Variants in WWOX observed in about 807,000 individuals in gnomAD.
WWOX encodes WW domain containing oxidoreductase.
WWOX carries 69 observed loss-of-function variants against 46.2 expected under a neutral mutation model. That is an observed-to-expected ratio of 1.49 (90% CI 1.23 to 1.82). The LOEUF (loss-of-function observed/expected upper bound fraction) is 1.82, where lower values mean the gene tolerates loss of function less well. WWOX is among the 40% of genes most tolerant of loss of function. WWOX has a pLI of 0.00. For missense variants in WWOX, 919 were observed against 542.6 expected (o/e 1.69, Z -6.89); for synonymous variants, 359 against 202.6 (o/e 1.77, Z -6.56).
At chr16:78,649,280 T>G (rs534317269) in intron 8 of WWOX, among the ~76,000 whole-genome samples, 1 of 151,100 alleles carries the variant, frequency 6.6e-6, no homozygotes, top group East Asian at 2.0e-4. Flanking sequence ...CCACCGTGAC[T>G]GACCTGTTTT....
At chr16:79,073,387 C>G (rs2048588803) in intron 8 of WWOX, among the ~76,000 whole-genome samples, 1 of 151,972 alleles carries the variant, frequency 6.6e-6, no homozygotes, top group African/African-American at 2.4e-5. Flanking sequence ...ACCATGTTGG[C>G]CAGGCTGGTC....
At chr16:79,122,701 T>A (rs1054260610) in intron 8 of WWOX, among the ~76,000 whole-genome samples, 5 of 152,168 alleles carry the variant, frequency 3.3e-5, no homozygotes, top group African/African-American at 1.2e-4. Context: ...AACCGTAAGC[T>A]AGGATAACTG....
At chr16:79,206,578 A>G (rs1160013761) in intron 8 of WWOX, 1 of 152,358 alleles carries the variant, frequency 6.6e-6, no homozygotes, top group East Asian at 1.9e-4. Context: ...CTAGTCATTG[A>G]TGTCACTTGA....
At chr16:79,180,727 C>T (rs139566960) in intron 8 of WWOX, among the ~76,000 whole-genome samples, 4 of 149,660 alleles carry the variant, frequency 2.7e-5, no homozygotes, top group East Asian at 3.9e-4. Flanking sequence ...GTCTCCCTGT[C>T]TATCTGTCTG....
intron 8 of WWOX, among the ~76,000 whole-genome samples, chr16:78,844,716 C>G (rs893238868): frequency 2.0e-5 from 3 of 152,198 alleles, no homozygotes; most frequent in Admixed American, 6.5e-5. Context: ...AGCTGGGCAA[C>G]TGTCTGCCTT....
chr16:78,653,569 T>C (rs1196722526), intron 8 of WWOX, among the ~76,000 whole-genome samples: 1 of 152,232 alleles, frequency 6.6e-6, no homozygotes, highest in African/African-American at 2.4e-5. Context: ...ACCTTCTGCT[T>C]CCTCTGGACA....
At chr16:78,825,736 T>C (rs1377500378) in intron 8 of WWOX, 1 of 580,152 alleles carries the variant, frequency 1.7e-6, no homozygotes, top group Non-Finnish European at 3.3e-6. Flanking sequence ...AGTTTGTGGA[T>C]GGCCTGATGA....
At chr16:79,164,533 C>T (rs1215922547) in intron 8 of WWOX, among the ~76,000 whole-genome samples, 1 of 152,004 alleles carries the variant, frequency 6.6e-6, no homozygotes, top group Non-Finnish European at 1.5e-5. Flanking sequence ...GTTATCAGGA[C>T]CTTCTATCAG....
chr16:78,818,485 C>A (rs944751630), intron 8 of WWOX, among the ~76,000 whole-genome samples: 3 of 152,216 alleles, frequency 2.0e-5, no homozygotes, highest in Non-Finnish European at 4.4e-5. Flanking sequence ...AATCCCAGCA[C>A]TTCGGGAGGC....
intron 8 of WWOX, among the ~76,000 whole-genome samples, chr16:78,968,760 G>T (rs2046412950): frequency 6.6e-6 from 1 of 152,104 alleles, no homozygotes. Flanking sequence ...TCATTAGCAT[G>T]GTGAAGATTA....
intron 8 of WWOX, among the ~76,000 whole-genome samples, chr16:79,058,110 A>G (rs1326466544): frequency 1.3e-4 from 12 of 93,540 alleles, no homozygotes; most frequent in African/African-American, 6.2e-4. Flanking sequence ...CTTACTTAAA[A>G]AAAAAAAAAA....
chr16:78,834,024 G>A (rs1379862778), intron 8 of WWOX, among the ~76,000 whole-genome samples: 3 of 152,222 alleles, frequency 2.0e-5, no homozygotes, highest in African/African-American at 7.2e-5. Flanking sequence ...ATGAGTGAAT[G>A]AGTGAATGAG....
chr16:78,405,640 A>G (rs956337783), intron 6 of WWOX, among the ~76,000 whole-genome samples: 14 of 152,216 alleles, frequency 9.2e-5, no homozygotes, highest in African/African-American at 2.4e-4. Flanking sequence ...TTATCTCTCA[A>G]TGATTGGTGG....
chr16:78,592,316 C>T (rs1167909313), intron 8 of WWOX, among the ~76,000 whole-genome samples: 1 of 152,104 alleles, frequency 6.6e-6, no homozygotes, highest in Non-Finnish European at 1.5e-5. Context: ...GGAATTTTGG[C>T]AAGGCTAGCA....
chr16:78,387,097 C>A (rs150413335), intron 6 of WWOX, 149 bp downstream of exon 6: 34 of 772,418 alleles, frequency 4.4e-5, no homozygotes, highest in Middle Eastern at 5.1e-4. Context: ...TTAAGGTGAA[C>A]CGTATTTTCT....
At chr16:79,164,988 T>A (rs59643999) in intron 8 of WWOX, among the ~76,000 whole-genome samples, 4,288 of 152,176 alleles carry the variant, frequency 0.028, 104 homozygotes, top group East Asian at 0.14. Flanking sequence ...AAACAGTAAG[T>A]GTAAAATGTT....
At chr16:78,992,107 A>G (rs2046899078) in intron 8 of WWOX, among the ~76,000 whole-genome samples, 1 of 152,266 alleles carries the variant, frequency 6.6e-6, no homozygotes, top group South Asian at 2.1e-4. Context: ...GCTAGTTACT[A>G]AAGATGTAGC....
chr16:78,931,497 A>G (rs2045623416), intron 8 of WWOX, among the ~76,000 whole-genome samples: 1 of 152,232 alleles, frequency 6.6e-6, no homozygotes, highest in African/African-American at 2.4e-5. Flanking sequence ...GGGCCAGTTC[A>G]GCTCAGCAAG....
intron 8 of WWOX, among the ~76,000 whole-genome samples, chr16:78,569,380 T>G (rs114418618): frequency 4.6e-5 from 7 of 152,226 alleles, no homozygotes; most frequent in African/African-American, 1.7e-4. Context: ...TATCACTGTT[T>G]TGTTGACATT....
Sources: gnomAD v4.1 joint callset for allele counts (sites outside exome capture counted in the v4.1 genomes callset) on GRCh38, gnomAD v4.1.1 for gene constraint, MANE v1.5 for transcripts, NCBI Gene and HGNC (gene_info 2026-07-23, HGNC 2026-07-21) for gene names.